Variants in PRELID2 observed in about 807,000 individuals in gnomAD.
PRELID2 encodes the protein PRELI domain-containing protein 2.
In PRELID2, 25 loss-of-function variants were observed where a neutral mutation model predicts 28.4. That is an observed-to-expected ratio of 0.88 (90% CI 0.64 to 1.23). The LOEUF is 1.23. PRELID2 is among the 50% of genes most tolerant of loss of function. The pLI, the probability that PRELID2 is intolerant of heterozygous loss-of-function variation, is 0.00. For missense variants in PRELID2, 201 were observed against 214.4 expected (o/e 0.94, Z 0.39); for synonymous variants, 76 against 71.6 (o/e 1.06, Z -0.31).
chr5:145,825,957 AG>A (rs1406985182), intron 1 of PRELID2: 16 of 902,892 alleles, frequency 1.8e-5, no homozygotes, highest in Non-Finnish European at 2.1e-5. Flanking sequence ...AAAAGTTGAA[AG>A]AGGGAAGGCT....
chr5:145,672,960 GGGCCCTCT>G (rs1312094487), intron 1 of PRELID2, among the ~76,000 whole-genome samples: 1 of 152,046 alleles, frequency 6.6e-6, no homozygotes, highest in Non-Finnish European at 1.5e-5. Flanking sequence ...GCTTTCCCTA[GGGCCCTCT>G]GTAGTTCAGG....
At chr5:145,810,413 G>A (rs925012307) in intron 4 of PRELID2, among the ~76,000 whole-genome samples, 8 of 152,134 alleles carry the variant, frequency 5.3e-5, no homozygotes, top group Non-Finnish European at 1.2e-4. Flanking sequence ...AGCAGATTCA[G>A]TCCATGCCAA....
chr5:145,293,203 T>G, the PRELID2 span, among the ~76,000 whole-genome samples: 1 of 152,330 alleles, frequency 6.6e-6, no homozygotes, highest in Admixed American at 6.5e-5. Flanking sequence ...CACATTGTCT[T>G]CATCTGTATT....
the PRELID2 span, among the ~76,000 whole-genome samples, chr5:145,282,054 C>T: frequency 6.6e-6 from 1 of 152,040 alleles, no homozygotes; most frequent in Admixed American, 6.6e-5. Context: ...TAAGAATAGC[C>T]TTTTTAATAC....
chr5:145,690,302 T>C (rs1258595029), intron 1 of PRELID2, among the ~76,000 whole-genome samples: 1 of 152,152 alleles, frequency 6.6e-6, no homozygotes, highest in African/African-American at 2.4e-5. Context: ...GAGGGGATCC[T>C]CTTCCCTAAC....
the PRELID2 span, among the ~76,000 whole-genome samples, chr5:145,256,602 C>T: frequency 6.6e-6 from 1 of 151,908 alleles, no homozygotes. Context: ...ATTATTCTGC[C>T]TACCACTGAT....
intron 1 of PRELID2, among the ~76,000 whole-genome samples, chr5:145,651,211 G>C (rs560103681): frequency 6.6e-6 from 1 of 152,328 alleles, no homozygotes; most frequent in African/African-American, 2.4e-5. Context: ...GGCTAGGGGA[G>C]AGGTGCCTGC....
chr5:145,255,487 T>C, the PRELID2 span, among the ~76,000 whole-genome samples: 14 of 152,030 alleles, frequency 9.2e-5, no homozygotes, highest in African/African-American at 3.4e-4. Context: ...TGAAAAGAAA[T>C]TATTGGCTCG....
chr5:145,532,981 A>G (rs1020936633), intron 1 of PRELID2, among the ~76,000 whole-genome samples: 3 of 152,128 alleles, frequency 2.0e-5, no homozygotes, highest in Non-Finnish European at 4.4e-5. Flanking sequence ...AAACACCCAG[A>G]AATGGGATTT....
At chr5:145,515,078 AAC>A (rs2126643967) in intron 1 of PRELID2, among the ~76,000 whole-genome samples, 1 of 152,334 alleles carries the variant, frequency 6.6e-6, no homozygotes, top group Admixed American at 6.5e-5. Context: ...TCAACACTCT[AAC>A]ATCAAAATTA....
At chr5:145,359,580 A>C in the PRELID2 span, among the ~76,000 whole-genome samples, 1 of 152,358 alleles carries the variant, frequency 6.6e-6, no homozygotes, top group East Asian at 1.9e-4. Context: ...CAGATAAGTA[A>C]GCATGGTTAC....
At chr5:145,729,295 A>G in intron 1 of PRELID2, 1 of 1,042,438 alleles carries the variant, frequency 9.6e-7, no homozygotes, top group Middle Eastern at 3.4e-4. Flanking sequence ...AACTCAAACA[A>G]ATATTCCTTG....
the PRELID2 span, among the ~76,000 whole-genome samples, chr5:145,353,769 T>G: frequency 6.6e-6 from 1 of 152,006 alleles, no homozygotes; most frequent in Non-Finnish European, 1.5e-5. Flanking sequence ...CTGTGACACA[T>G]GGGGATTATG....
intron 1 of PRELID2, among the ~76,000 whole-genome samples, chr5:145,615,071 A>C (rs979902819): frequency 6.6e-6 from 1 of 152,094 alleles, no homozygotes; most frequent in African/African-American, 2.4e-5. Context: ...TAATTGTTTT[A>C]TGAATTTGGG....
At chr5:145,229,224 CA>C in the PRELID2 span, 1 of 794,472 alleles carries the variant, frequency 1.3e-6, no homozygotes, top group Non-Finnish European at 2.3e-6. Context: ...GCTGGCCCCC[CA>C]GATGAAGGTC....
the PRELID2 span, chr5:145,229,141 G>C: frequency 2.7e-6 from 3 of 1,127,660 alleles, no homozygotes; most frequent in Non-Finnish European, 4.0e-6. Flanking sequence ...CAGCGGGTGG[G>C]GGCCAAGTGT....
the PRELID2 span, among the ~76,000 whole-genome samples, chr5:145,296,874 G>A: frequency 6.6e-6 from 1 of 152,144 alleles, no homozygotes; most frequent in East Asian, 1.9e-4. Flanking sequence ...ACTTTTTAAT[G>A]ATTGTCATTC....
the PRELID2 span, among the ~76,000 whole-genome samples, chr5:145,325,872 G>A: frequency 6.6e-6 from 1 of 152,100 alleles, no homozygotes; most frequent in Non-Finnish European, 1.5e-5. Flanking sequence ...ACTGGCAATG[G>A]CCTCTTCAGA....
At chr5:145,750,982 G>A (rs1757109568) in intron 1 of PRELID2, among the ~76,000 whole-genome samples, 1 of 152,180 alleles carries the variant, frequency 6.6e-6, no homozygotes, top group Non-Finnish European at 1.5e-5. Context: ...AGATGTTGCG[G>A]TATAGAGGTA....
Sources: allele counts gnomAD v4.1 joint callset (sites outside exome capture counted in the v4.1 genomes callset), GRCh38; gene constraint gnomAD v4.1.1; transcripts MANE v1.5; gene names NCBI Gene and HGNC (gene_info 2026-07-23, HGNC 2026-07-21).